The following EEA1 variants were observed in gnomAD, a reference collection of about 807,000 sequenced individuals.
The protein encoded by EEA1 is early endosome antigen 1, also known as early endosome antigen 1, 162kD.
Under a neutral mutation model 209.2 loss-of-function variants are expected in EEA1, and 111 were observed. The ratio of observed to expected loss-of-function variants is 0.53; its 90% CI spans 0.45 to 0.62. The LOEUF (loss-of-function observed/expected upper bound fraction) is 0.62, where lower values mean the gene tolerates loss of function less well. Ranked by LOEUF, EEA1 falls within the 20% of genes least tolerant of loss-of-function variation. The pLI is 0.00. For missense variants in EEA1, 1,343 were observed against 1,530.8 expected, an observed-to-expected ratio of 0.88 and a Z score of 2.05; for synonymous variants, 536 against 540.6, an observed-to-expected ratio of 0.99 and a Z score of 0.12.
chr12:92,884,948 G>A (rs1879317193), intron 2 of EEA1, among the ~76,000 whole-genome samples: 1 of 131,334 alleles, frequency 7.6e-6, no homozygotes. Flanking sequence ...CCAACAAAGG[G>A]TTTCAATGTA....
At chr12:92,888,934 G>A (rs1879540239) in intron 2 of EEA1, among the ~76,000 whole-genome samples, 1 of 152,094 alleles carries the variant, frequency 6.6e-6, no homozygotes, top group Admixed American at 6.5e-5. Context: ...TGGATCACTT[G>A]AGGTCAGAAG....
intron 2 of EEA1, among the ~76,000 whole-genome samples, chr12:92,867,861 T>C: frequency 3.8e-5 from 1 of 26,228 alleles, no homozygotes; most frequent in Non-Finnish European, 9.8e-5. Flanking sequence ...AGTGTATGTG[T>C]GTGTGAGAGA....
intron 2 of EEA1, among the ~76,000 whole-genome samples, chr12:92,880,049 G>T (rs1879069507): frequency 6.6e-6 from 1 of 152,180 alleles, no homozygotes; most frequent in African/African-American, 2.4e-5. Context: ...TGTTCATTTT[G>T]TTCCCAAATG....
chr12:92,927,077 C>CA (rs1384348542), intron 1 of EEA1, among the ~76,000 whole-genome samples: 1 of 152,192 alleles, frequency 6.6e-6, no homozygotes, highest in Non-Finnish European at 1.5e-5. Context: ...AGAAACACTT[C>CA]AAACTTTCCT....
rs576095928 is a variant in EEA1, at chr12:92,798,786, T to C, written c.2967+106A>G. On this transcript the variant is annotated intron_variant, in intron 21 of 28. Transcript: ENST00000322349. ...TTAAACTTAGAAAAAAATTAGCTTATGTAAACTTTTCAATGTTGCAACTTA... is the reference window on the plus strand; with the variant it reads ...TTAAACTTAGAAAAAAATTAGCTTACGTAAACTTTTCAATGTTGCAACTTA... 2.4e-5 allele frequency: 19 copies of C among 807,814 alleles called. 1 individual carries two copies. The South Asian group carries it at 5.2e-4, about 22-fold the overall frequency. 50.0% of individuals were successfully genotyped at this position (807,814 alleles called of 1,614,324 possible).
chr12:92,858,943 G>C, intron 3 of EEA1: 1 of 700,416 alleles, frequency 1.4e-6, no homozygotes, highest in Non-Finnish European at 2.6e-6. Flanking sequence ...TTGAGGAAAG[G>C]ATTATACTAA....
At chr12:92,881,085 C>T (rs986154142) in intron 2 of EEA1, among the ~76,000 whole-genome samples, 3 of 152,122 alleles carry the variant, frequency 2.0e-5, no homozygotes, top group Non-Finnish European at 4.4e-5. Context: ...TGAGGTAGTC[C>T]TCCCACTGCT....
At chr12:92,843,397 G>A (rs943024395) in intron 9 of EEA1, among the ~76,000 whole-genome samples, 1 of 151,988 alleles carries the variant, frequency 6.6e-6, no homozygotes, top group African/African-American at 2.4e-5. Context: ...GGGCTCAAGC[G>A]ACTCTCCCAC....
intron 2 of EEA1, among the ~76,000 whole-genome samples, chr12:92,883,007 T>C (rs1473193958): frequency 1.3e-5 from 2 of 152,266 alleles, no homozygotes; most frequent in African/African-American, 4.8e-5. Flanking sequence ...CTTTCCACAG[T>C]GGCTGAACTA....
chr12:92,861,562 C>T (rs968904162), intron 3 of EEA1, among the ~76,000 whole-genome samples: 1 of 152,146 alleles, frequency 6.6e-6, no homozygotes, highest in Admixed American at 6.5e-5. Context: ...TCCAAAGGAA[C>T]TTTGTGATGT....
At chr12:92,881,901 C>T (rs1165787832) in intron 2 of EEA1, among the ~76,000 whole-genome samples, 3 of 152,286 alleles carry the variant, frequency 2.0e-5, no homozygotes, top group South Asian at 4.1e-4. Flanking sequence ...TCCACTTACA[C>T]GTGGATTTTC....
intron 15 of EEA1, 124 bp from the exon 16 acceptor site, chr12:92,813,217 G>C (rs1220394071): frequency 4.0e-6 from 2 of 500,430 alleles, no homozygotes; most frequent in East Asian, 6.5e-5. Flanking sequence ...AAAACATATG[G>C]ATTTATATAT....
At chr12:92,914,034 TC>T (rs1322181880) in intron 1 of EEA1, among the ~76,000 whole-genome samples, 1 of 152,222 alleles carries the variant, frequency 6.6e-6, no homozygotes, top group African/African-American at 2.4e-5. Flanking sequence ...GGGTCCAGCT[TC>T]ATTCTTCTGC....
intron 9 of EEA1, among the ~76,000 whole-genome samples, chr12:92,849,664 T>C (rs1877529742): frequency 6.6e-6 from 1 of 152,214 alleles, no homozygotes; most frequent in African/African-American, 2.4e-5. Context: ...CTATGTGTGT[T>C]ATATCCACAA....
chr12:92,782,928 AACATAC>A (rs1873968177), intron 22 of EEA1, among the ~76,000 whole-genome samples: 1 of 152,352 alleles, frequency 6.6e-6, no homozygotes, highest in South Asian at 2.1e-4. Context: ...TAGATAGCTG[AACATAC>A]GGAGCCTGGA....
intron 3 of EEA1, among the ~76,000 whole-genome samples, chr12:92,863,101 T>A (rs1159800045): frequency 6.6e-6 from 1 of 152,010 alleles, no homozygotes; most frequent in Non-Finnish European, 1.5e-5. Context: ...ACAAAACAGA[T>A]CAAGAAAAAA....
chr12:92,798,185 C>G (rs867333196), intron 21 of EEA1, among the ~76,000 whole-genome samples: 59 of 152,052 alleles, frequency 3.9e-4, no homozygotes, highest in African/African-American at 1.4e-3. Flanking sequence ...ATAATTAAAA[C>G]TATATGAAGC....
chr12:92,893,028 A>G (rs993258131), intron 1 of EEA1, among the ~76,000 whole-genome samples: 1 of 152,036 alleles, frequency 6.6e-6, no homozygotes, highest in Non-Finnish European at 1.5e-5. Context: ...ATCACCTACC[A>G]CTCAAACCAA....
chr12:92,849,569 C>T (rs1877523827), intron 9 of EEA1, among the ~76,000 whole-genome samples: 1 of 152,130 alleles, frequency 6.6e-6, no homozygotes, highest in Admixed American at 6.5e-5. Context: ...TGTTATTGGG[C>T]TACAAAGTGT....
Sources: gnomAD v4.1 joint callset for allele counts (sites outside exome capture counted in the v4.1 genomes callset) on GRCh38, gnomAD v4.1.1 for gene constraint, MANE v1.5 for transcripts, NCBI Gene and HGNC (gene_info 2026-07-23, HGNC 2026-07-21) for gene names.